COL4A6: variants seen among roughly 807,000 people sequenced by gnomAD.
The protein encoded by COL4A6 is collagen alpha-6(IV) chain.
In COL4A6, 59 loss-of-function variants were observed where a neutral mutation model predicts 126.7. The ratio of observed to expected loss-of-function variants is 0.47; its 90% CI spans 0.38 to 0.58. The LOEUF (loss-of-function observed/expected upper bound fraction) is 0.58, where lower values mean the gene tolerates loss of function less well. Ranked by LOEUF, COL4A6 falls within the 20% of genes least tolerant of loss-of-function variation. The pLI is 0.00. For synonymous variants in COL4A6, 547 were observed against 496.6 expected, an observed-to-expected ratio of 1.10 and a Z score of -1.35; for missense variants, 1,285 against 1,337.3, an observed-to-expected ratio of 0.96 and a Z score of 0.61.
At chrX:108,404,029 T>C (rs1276670996) in intron 2 of COL4A6, among the ~76,000 whole-genome samples, 1 of 111,409 alleles carries the variant, frequency 9.0e-6, no homozygotes, top group Non-Finnish European at 1.9e-5. Flanking sequence ...CTTGCTGCTA[T>C]TCCAAGTCTT....
chrX:108,426,809 G>A (rs1002186967), intron 2 of COL4A6, among the ~76,000 whole-genome samples: 2 of 111,958 alleles, frequency 1.8e-5, no homozygotes, highest in Admixed American at 9.5e-5. Flanking sequence ...TCCTAAGGCC[G>A]TAGTTAATAG....
At chrX:108,284,609 C>A (rs919949271) in intron 3 of COL4A6, among the ~76,000 whole-genome samples, 1 of 112,235 alleles carries the variant, frequency 8.9e-6, no homozygotes, top group Non-Finnish European at 1.9e-5. Flanking sequence ...TGGATCCAGA[C>A]ACTTTACAGA....
At chrX:108,216,010 G>C (rs748401132) in intron 5 of COL4A6, among the ~76,000 whole-genome samples, 9 of 112,051 alleles carry the variant, frequency 8.0e-5, no homozygotes, top group African/African-American at 2.9e-4. Context: ...ATAAATTGAT[G>C]CAAAACAACA....
At chrX:108,374,608 C>T (rs2040398952) in intron 2 of COL4A6, among the ~76,000 whole-genome samples, 1 of 111,947 alleles carries the variant, frequency 8.9e-6, no homozygotes. Flanking sequence ...AAACAACCAC[C>T]TCATTTGTTC....
rs1481126340 is a variant in COL4A6 at position 108,186,623 on chromosome X, A to G, written c.1951+473T>C. ...TATAAAGAGGAAGGAGTTAAGGGAT[A>G]AAATGGGGGATTAGACTATAAGCAA... On this transcript the variant is annotated intron_variant, in intron 23 of 44. Transcript: ENST00000334504. Among the ~76,000 whole-genome samples the G allele has an allele frequency of 4.5e-5, 5 of 112,083 alleles. No homozygotes were observed. In the Admixed American group the frequency reaches 4.8e-4, roughly 11 times the overall value.
chrX:108,159,354 C>A lies in COL4A6; in HGVS notation c.4812+108G>T. 3.2e-6 allele frequency: 3 copies of A among 932,083 alleles called. No homozygotes were observed. In the South Asian group the frequency reaches 7.1e-5, roughly 22 times the overall value. 76.8% of individuals were successfully genotyped at this position (932,083 alleles called of 1,213,427 possible). On this transcript the variant is annotated intron_variant, in intron 44 of 44. Transcript: ENST00000334504. ...TTAGCCAAGCCCAGTCCAAGCATTT[C>A]TCTTCTTTTCAAACTCTATGCTTTC...
At chrX:108,315,925 C>A (rs1293877699) in intron 2 of COL4A6, among the ~76,000 whole-genome samples, 1 of 112,081 alleles carries the variant, frequency 8.9e-6, no homozygotes, top group Non-Finnish European at 1.9e-5. Context: ...GCTCTCAGAA[C>A]AATTGAGTTA....
At chrX:108,370,353 G>C (rs776730983) in intron 2 of COL4A6, among the ~76,000 whole-genome samples, 5 of 111,703 alleles carry the variant, frequency 4.5e-5, no homozygotes, top group African/African-American at 1.6e-4. Flanking sequence ...GAGATGGTAT[G>C]TACTAGGTTC....
intron 2 of COL4A6, among the ~76,000 whole-genome samples, chrX:108,435,225 G>A (rs1232951455): frequency 1.8e-5 from 2 of 111,636 alleles, no homozygotes; most frequent in African/African-American, 3.3e-5. Context: ...ATGCTTGATT[G>A]TATTAGACCT....
chrX:108,255,314 A>G (rs2036971956), intron 3 of COL4A6, among the ~76,000 whole-genome samples: 1 of 108,361 alleles, frequency 9.2e-6, no homozygotes, highest in African/African-American at 3.4e-5. Context: ...CCAAGGAGAG[A>G]GGCTACATTA....
In COL4A6 at chrX:108,204,591, C is replaced by T. The variant is rs771354088; in HGVS notation, c.688-179G>A. The T allele has an allele frequency of 3.1e-4, 163 of 530,855 alleles. 2 individuals are homozygous for T. In the African/African-American group the frequency reaches 3.3e-3, roughly 11 times the overall value. The allele number at this position is 530,855 out of a possible 1,213,427, so 43.7% of individuals were successfully genotyped here. A position where few individuals can be genotyped will look rare whatever the true frequency, so the allele number is the denominator to read the frequency against. The stretch of plus-strand genomic sequence containing the variant: ...CCAAAGGGTGAGAAGAATTATAAGC[C>T]CGACCAGTGAATTTTGTACCAGCAC... On this transcript the variant is annotated intron_variant, in intron 11 of 44. Coordinates refer to ENST00000334504, the MANE Select transcript of COL4A6 (RefSeq NM_033641.4).
chrX:108,258,741 A>T (rs2037075061), intron 3 of COL4A6, among the ~76,000 whole-genome samples: 1 of 111,957 alleles, frequency 8.9e-6, no homozygotes, highest in Non-Finnish European at 1.9e-5. Context: ...AACCACAATT[A>T]TATTCCTCTC....
At chrX:108,402,782 T>TAAC (rs2041116941) in intron 2 of COL4A6, among the ~76,000 whole-genome samples, 2 of 111,211 alleles carry the variant, frequency 1.8e-5, no homozygotes, top group Admixed American at 9.6e-5. Context: ...GTTGTTGACG[T>TAAC]CATATGGTTA....
At chrX:108,254,521 T>G (rs1293003725) in intron 3 of COL4A6, among the ~76,000 whole-genome samples, 5 of 111,396 alleles carry the variant, frequency 4.5e-5, no homozygotes, top group Non-Finnish European at 9.5e-5. Context: ...TTTTGTTTTT[T>G]GTTTTTTTTT....
chrX:108,407,879 G>T (rs1342979625), intron 2 of COL4A6, among the ~76,000 whole-genome samples: 1 of 112,014 alleles, frequency 8.9e-6, no homozygotes, highest in Non-Finnish European at 1.9e-5. Context: ...TTTACTGATT[G>T]CTTATGTGCC....
At chrX:108,240,824 CAG>C (rs2036552493) in intron 3 of COL4A6, among the ~76,000 whole-genome samples, 2 of 112,295 alleles carry the variant, frequency 1.8e-5, no homozygotes, top group South Asian at 3.7e-4. Context: ...TTGGAGGAAA[CAG>C]AGGGGAGAGG....
Position 108,159,631 on chromosome X carries a change from G to T in COL4A6, c.4643C>A (p.Ala1548Asp). ...NDKSYWLSTT[A>D]PIPMMPVSQT... is the part of the protein sequence containing the mutation. ...GCTGACGGGCATCATGGGGATAGGG[G>T]CGGTAGTGGAGAGCCAGTAAGATTT... is the stretch of plus-strand genomic sequence containing the variant. Residue 1548 changes from alanine (A) to aspartate (D), a missense_variant, in exon 44 of 45, where the codon GCC (alanine) becomes GAC (aspartate). Physicochemically the swap from Ala to Asp is moderately radical, Grantham distance 126. Coordinates refer to ENST00000334504, the MANE Select transcript of COL4A6 (RefSeq NM_033641.4). The T allele has an allele frequency of 8.2e-7, 1 of 1,212,353 alleles. No individual in the cohort carries two copies. The highest frequency in any genetic ancestry group is 1.1e-6 in the Non-Finnish European group (1 of 895,642).
chrX:108,300,097 G>T (rs2038445828), intron 3 of COL4A6, among the ~76,000 whole-genome samples: 1 of 110,685 alleles, frequency 9.0e-6, no homozygotes, highest in South Asian at 4.0e-4. Context: ...ACAGAGAAAA[G>T]CATCTAATAG....
At chrX:108,207,582 ATCTGTGGGTTC>A (rs2148213635) in intron 8 of COL4A6, among the ~76,000 whole-genome samples, 1 of 111,972 alleles carries the variant, frequency 8.9e-6, no homozygotes, top group South Asian at 3.7e-4. Context: ...GGCCCTCTGT[ATCTGTGGGTTC>A]CACATCTGTG....
Sources: gnomAD v4.1 joint callset for allele counts (sites outside exome capture counted in the v4.1 genomes callset) on GRCh38, gnomAD v4.1.1 for gene constraint, MANE v1.5 for transcripts, NCBI Gene and HGNC (gene_info 2026-07-23, HGNC 2026-07-21) for gene names.